The following DNAAF9 variants were observed in gnomAD, a reference collection of about 807,000 sequenced individuals.
The protein encoded by DNAAF9 is shulin.
DNAAF9 carries 90 observed loss-of-function variants against 167.0 expected under a neutral mutation model. The ratio of observed to expected loss-of-function variants is 0.54; its 90% CI spans 0.45 to 0.64. DNAAF9 has a LOEUF of 0.64. Ranked by LOEUF, DNAAF9 falls within the 30% of genes least tolerant of loss-of-function variation. The pLI is 0.00. For synonymous variants in DNAAF9, 491 were observed against 508.8 expected (o/e 0.96, Z 0.47); for missense variants, 1,315 against 1,442.2 (o/e 0.91, Z 1.43).
At chr20:3,311,559 A>G (rs1022890821) in intron 20 of DNAAF9, among the ~76,000 whole-genome samples, 1 of 152,166 alleles carries the variant, frequency 6.6e-6, no homozygotes, top group Admixed American at 6.5e-5. Flanking sequence ...CACAAAAACT[A>G]TAACTCACAT....
intron 16 of DNAAF9, among the ~76,000 whole-genome samples, chr20:3,320,906 T>C (rs996218937): frequency 1.3e-5 from 2 of 152,122 alleles, no homozygotes; most frequent in African/African-American, 2.4e-5. Flanking sequence ...ACTCAAGATA[T>C]AACACACACC....
intron 7 of DNAAF9, among the ~76,000 whole-genome samples, chr20:3,349,400 A>G (rs2070270250): frequency 6.6e-6 from 1 of 152,050 alleles, no homozygotes; most frequent in Non-Finnish European, 1.5e-5. Context: ...ATGAATGGAC[A>G]GTAATGATCC....
intron 33 of DNAAF9, among the ~76,000 whole-genome samples, chr20:3,256,489 G>A (rs1335873618): frequency 2.6e-5 from 4 of 152,178 alleles, no homozygotes; most frequent in Non-Finnish European, 2.9e-5. Flanking sequence ...TCCAGCCTGG[G>A]TGACAGAGGG....
At position 3,389,400 on chromosome 20, in the gene DNAAF9, C is replaced by T. The variant is rs115314990; in HGVS notation, c.84-6894G>A. Among the ~76,000 whole-genome samples the T allele has an allele frequency of 4.1e-3, 616 of 152,098 alleles. 8 individuals carry two copies. The highest frequency in any genetic ancestry group is 0.014 in the African/African-American group (589 of 41,508). On this transcript the variant is annotated intron_variant, in intron 1 of 36. Coordinates refer to ENST00000252032, the MANE Select transcript of DNAAF9 (RefSeq NM_001009984.3). ...TCCTGGGCTCAAGCAATCTGCCCACCTTAACCTCCCAAAGTGCTGGATTAC... is the reference window on the plus strand; with the variant it reads ...TCCTGGGCTCAAGCAATCTGCCCACTTTAACCTCCCAAAGTGCTGGATTAC...
intron 30 of DNAAF9, among the ~76,000 whole-genome samples, chr20:3,267,242 C>T (rs1277029040): frequency 6.6e-6 from 1 of 152,184 alleles, no homozygotes; most frequent in African/African-American, 2.4e-5. Flanking sequence ...TCTTTCTTAT[C>T]CCCAAATTGT....
intron 31 of DNAAF9, 94 bp downstream of exon 31, chr20:3,264,344 G>C: frequency 1.4e-6 from 1 of 706,706 alleles, no homozygotes; most frequent in Non-Finnish European, 2.5e-6. Flanking sequence ...AGCACATCTG[G>C]TATTTTCACC....
intron 12 of DNAAF9, among the ~76,000 whole-genome samples, chr20:3,329,029 T>G (rs2069771207): frequency 6.6e-6 from 1 of 151,210 alleles, no homozygotes; most frequent in African/African-American, 2.4e-5. Flanking sequence ...GCCACCACAT[T>G]TGGCTAATTT....
At chr20:3,355,998 A>C (rs564122549) in intron 7 of DNAAF9, among the ~76,000 whole-genome samples, 1 of 151,996 alleles carries the variant, frequency 6.6e-6, no homozygotes, top group Non-Finnish European at 1.5e-5. Context: ...TCATCACTAC[A>C]TTAAAACGTT....
chr20:3,291,481 C>T (rs1364150643), intron 25 of DNAAF9, among the ~76,000 whole-genome samples: 1 of 151,736 alleles, frequency 6.6e-6, no homozygotes, highest in Non-Finnish European at 1.5e-5. Context: ...GTAGCTGGGA[C>T]TACAGGTGCC....
intron 18 of DNAAF9, chr20:3,316,120 T>C (rs1361030677): frequency 2.8e-6 from 1 of 361,066 alleles, no homozygotes; most frequent in African/African-American, 2.1e-5. Context: ...TAAAATATTT[T>C]CAGATTTAAA....
At chr20:3,284,039 TCA>T (rs2068807326) in intron 27 of DNAAF9, among the ~76,000 whole-genome samples, 1 of 152,114 alleles carries the variant, frequency 6.6e-6, no homozygotes, top group Non-Finnish European at 1.5e-5. Context: ...CCCAGGCCAT[TCA>T]CTCTATCCAT....
chr20:3,371,802 T>C (rs2083514482), intron 6 of DNAAF9, among the ~76,000 whole-genome samples: 1 of 152,154 alleles, frequency 6.6e-6, no homozygotes, highest in South Asian at 2.1e-4. Flanking sequence ...TGGTTACTCA[T>C]TATTTAGAGG....
chr20:3,328,119 T>C (rs924474683), intron 12 of DNAAF9, among the ~76,000 whole-genome samples: 3 of 151,758 alleles, frequency 2.0e-5, no homozygotes, highest in Non-Finnish European at 2.9e-5. Context: ...GATCCTTACA[T>C]AGGAGATCAA....
chr20:3,295,090 CG>C (rs2069044033), intron 23 of DNAAF9, among the ~76,000 whole-genome samples: 1 of 151,950 alleles, frequency 6.6e-6, no homozygotes, highest in African/African-American at 2.4e-5. Flanking sequence ...AGGATGGTCC[CG>C]ATCTCCTGAC....
At chr20:3,260,692 C>T (rs6051688) in intron 31 of DNAAF9, among the ~76,000 whole-genome samples, 36,605 of 150,646 alleles carry the variant, frequency 0.24, 4,858 homozygotes, top group African/African-American at 0.34. Flanking sequence ...TGCAGTGGTG[C>T]GATCTTGGCT....
At chr20:3,396,461 G>A (rs866867188) in intron 1 of DNAAF9, among the ~76,000 whole-genome samples, 1 of 152,134 alleles carries the variant, frequency 6.6e-6, no homozygotes, top group East Asian at 1.9e-4. Flanking sequence ...AAAATCCTCG[G>A]AACAAAACCA....
intron 29 of DNAAF9, 116 bp from the exon 30 acceptor site, chr20:3,270,678 G>A: frequency 1.2e-6 from 1 of 808,054 alleles, no homozygotes; most frequent in Non-Finnish European, 2.0e-6. Flanking sequence ...GTCTCCTGAT[G>A]GAGACAACCC....
intron 9 of DNAAF9, among the ~76,000 whole-genome samples, chr20:3,342,104 T>C (rs567274466): frequency 9.8e-5 from 15 of 152,290 alleles, no homozygotes; most frequent in African/African-American, 3.6e-4. Context: ...GGCCACAATC[T>C]TGAACATGGC....
At chr20:3,275,233 C>T (rs1009698006) in intron 29 of DNAAF9, among the ~76,000 whole-genome samples, 2 of 152,144 alleles carry the variant, frequency 1.3e-5, no homozygotes, top group Admixed American at 1.3e-4. Flanking sequence ...TGCCAGATTC[C>T]CAGGGTGGAA....
Sources: allele counts gnomAD v4.1 joint callset (sites outside exome capture counted in the v4.1 genomes callset), GRCh38; gene constraint gnomAD v4.1.1; transcripts MANE v1.5; gene names NCBI Gene and HGNC (gene_info 2026-07-23, HGNC 2026-07-21).